POFUT3: variants seen among roughly 807,000 people sequenced by gnomAD.
The protein encoded by POFUT3 is GDP-fucose protein O-fucosyltransferase 3.
the POFUT3 span, among the ~76,000 whole-genome samples, chr8:33,426,217 C>T: frequency 6.6e-6 from 1 of 152,026 alleles, no homozygotes; most frequent in Non-Finnish European, 1.5e-5. Context: ...AAGATCACTT[C>T]TTAAAGAGAT....
At chr8:33,419,966 A>C in the POFUT3 span, among the ~76,000 whole-genome samples, 3 of 152,000 alleles carry the variant, frequency 2.0e-5, no homozygotes, top group South Asian at 6.2e-4. Flanking sequence ...TGTCTCTACA[A>C]AAGATACAAA....
the POFUT3 span, among the ~76,000 whole-genome samples, chr8:33,331,698 C>T: frequency 6.7e-6 from 1 of 148,668 alleles, no homozygotes; most frequent in Non-Finnish European, 1.5e-5. Context: ...TTTTTTGAGA[C>T]GGAGTCTCGC....
chr8:33,320,390 T>C, the POFUT3 span, among the ~76,000 whole-genome samples: 1 of 152,154 alleles, frequency 6.6e-6, no homozygotes, highest in African/African-American at 2.4e-5. Context: ...CTACATTTTC[T>C]TTTTTAATTC....
At chr8:33,438,635 C>T in the POFUT3 span, among the ~76,000 whole-genome samples, 2 of 152,196 alleles carry the variant, frequency 1.3e-5, no homozygotes, top group African/African-American at 2.4e-5. Context: ...AAGACAAACT[C>T]GAGACTGGGT....
chr8:33,309,658 G>C, the POFUT3 span, among the ~76,000 whole-genome samples: 1 of 152,002 alleles, frequency 6.6e-6, no homozygotes, highest in South Asian at 2.1e-4. Context: ...TCTGTTTCTA[G>C]GTATCATCAT....
At chr8:33,366,685 G>A in the POFUT3 span, among the ~76,000 whole-genome samples, 9 of 152,246 alleles carry the variant, frequency 5.9e-5, no homozygotes, top group Non-Finnish European at 1.0e-4. Context: ...TTCACTTTTC[G>A]CTTGAAAGCT....
the POFUT3 span, among the ~76,000 whole-genome samples, chr8:33,418,776 C>G: frequency 1.3e-5 from 2 of 152,156 alleles, no homozygotes; most frequent in Non-Finnish European, 2.9e-5. Context: ...CACCTGCACC[C>G]CCGTCTTTAC....
the POFUT3 span, chr8:33,451,588 GTGTA>G: frequency 6.6e-6 from 1 of 151,900 alleles, no homozygotes; most frequent in Non-Finnish European, 1.5e-5. Flanking sequence ...GTGTACATAT[GTGTA>G]TGTGTGTGTG....
At chr8:33,371,818 C>G in the POFUT3 span, 4 of 152,252 alleles carry the variant, frequency 2.6e-5, no homozygotes, top group African/African-American at 9.6e-5. Context: ...TCGCGCTGCT[C>G]AAAATGTCCA....
At chr8:33,323,677 A>T in the POFUT3 span, among the ~76,000 whole-genome samples, 1 of 152,208 alleles carries the variant, frequency 6.6e-6, no homozygotes, top group South Asian at 2.1e-4. Context: ...GAAGTTTGGG[A>T]AGGGATACGG....
the POFUT3 span, among the ~76,000 whole-genome samples, chr8:33,409,131 T>C: frequency 6.6e-6 from 1 of 152,252 alleles, no homozygotes; most frequent in East Asian, 1.9e-4. Context: ...AGACAGAGTT[T>C]TGCTTTTATT....
chr8:33,350,334 C>G, the POFUT3 span, among the ~76,000 whole-genome samples: 3 of 152,022 alleles, frequency 2.0e-5, no homozygotes, highest in South Asian at 6.2e-4. Flanking sequence ...ATGTTGAGCC[C>G]CATCTGAAAT....
At chr8:33,367,586 G>A in the POFUT3 span, among the ~76,000 whole-genome samples, 1 of 151,896 alleles carries the variant, frequency 6.6e-6, no homozygotes, top group Non-Finnish European at 1.5e-5. Context: ...AGTGCTGCTG[G>A]GTTAGGGTCT....
At chr8:33,396,083 C>G in the POFUT3 span, among the ~76,000 whole-genome samples, 1 of 152,110 alleles carries the variant, frequency 6.6e-6, no homozygotes, top group Non-Finnish European at 1.5e-5. Flanking sequence ...GCTAAGCAGA[C>G]AGTGGTGATA....
the POFUT3 span, among the ~76,000 whole-genome samples, chr8:33,438,090 T>C: frequency 1.3e-5 from 2 of 152,242 alleles, no homozygotes; most frequent in Non-Finnish European, 1.5e-5. Flanking sequence ...ACTGACGTTT[T>C]TATACCCATT....
the POFUT3 span, among the ~76,000 whole-genome samples, chr8:33,447,595 G>A: frequency 6.6e-6 from 1 of 152,052 alleles, no homozygotes; most frequent in African/African-American, 2.4e-5. Context: ...CACAGTATTC[G>A]CATATTTCAC....
At chr8:33,313,398 A>G in the POFUT3 span, among the ~76,000 whole-genome samples, 2 of 152,148 alleles carry the variant, frequency 1.3e-5, no homozygotes, top group Non-Finnish European at 2.9e-5. Context: ...TATTTCCATG[A>G]GGCAGCTTCT....
the POFUT3 span, among the ~76,000 whole-genome samples, chr8:33,384,313 A>G: frequency 6.6e-6 from 1 of 152,232 alleles, no homozygotes; most frequent in Admixed American, 6.5e-5. Context: ...CTGATCTACC[A>G]GCAACAATGA....
chr8:33,348,127 G>A, the POFUT3 span, among the ~76,000 whole-genome samples: 487 of 148,482 alleles, frequency 3.3e-3, 2 homozygotes, highest in African/African-American at 0.012. Context: ...GCAGTGAGCC[G>A]AGATCTGCTT....
Sources: allele counts gnomAD v4.1 joint callset (sites outside exome capture counted in the v4.1 genomes callset), GRCh38; gene constraint gnomAD v4.1.1; transcripts MANE v1.5; gene names NCBI Gene and HGNC (gene_info 2026-07-23, HGNC 2026-07-21).